Variants in SNX3 observed in about 807,000 individuals in gnomAD.
SNX3 encodes sorting nexin 3.
Under a neutral mutation model 17.7 loss-of-function variants are expected in SNX3, and 5 were observed. The ratio of observed to expected loss-of-function variants is 0.28; its 90% CI spans 0.15 to 0.59. The LOEUF (loss-of-function observed/expected upper bound fraction) is 0.59. Ranked by LOEUF, SNX3 falls within the 20% of genes least tolerant of loss-of-function variation. SNX3 has a pLI of 0.88. For synonymous variants in SNX3, 91 were observed against 76.5 expected (o/e 1.19, Z -0.99); for missense variants, 132 against 206.8 (o/e 0.64, Z 2.22).
At chr6:108,221,372 G>T (rs1201067528) in intron 2 of SNX3, among the ~76,000 whole-genome samples, 1 of 151,178 alleles carries the variant, frequency 6.6e-6, no homozygotes, top group African/African-American at 2.4e-5. Context: ...TACCTAATAG[G>T]ATATAAGCAC....
chr6:108,244,641 T>G (rs1160064487), intron 1 of SNX3, among the ~76,000 whole-genome samples: 1 of 145,808 alleles, frequency 6.9e-6, no homozygotes, highest in Non-Finnish European at 1.5e-5. Flanking sequence ...AGAATATAAG[T>G]AAGGAGTTTT....
chr6:108,221,532 C>CCTT lies in SNX3; in HGVS notation c.258+1417_258+1418insAAG, dbSNP rs1554261012. 8.7e-5 allele frequency among the ~76,000 whole-genome samples: 5 copies of CCTT among 57,778 alleles called. No individual in the cohort carries two copies. In the East Asian group the frequency reaches 3.6e-3, roughly 41 times the overall value. The allele number at this position is 57,778 out of a possible 152,430, so 37.9% of individuals were successfully genotyped here. A position where few individuals can be genotyped will look rare whatever the true frequency, so the allele number is the denominator to read the frequency against. On this transcript the variant is annotated intron_variant, in intron 2 of 3. Transcript: ENST00000230085. ...GTATTACAAGGAATACAGTATTACACTTTTTTTTTTTTTTTTTTTTTTTTT... is the reference window on the plus strand; with the variant it reads ...GTATTACAAGGAATACAGTATTACACCTTTTTTTTTTTTTTTTTTTTTTTTTTT...
intron 1 of SNX3, among the ~76,000 whole-genome samples, chr6:108,251,004 T>A (rs537933639): frequency 6.6e-6 from 1 of 152,018 alleles, no homozygotes; most frequent in Non-Finnish European, 1.5e-5. Context: ...ATATACTCCA[T>A]CATTCAATGT....
chr6:108,241,143 CAAAAAAA>C (rs71274311), intron 1 of SNX3, among the ~76,000 whole-genome samples: 14 of 51,198 alleles, frequency 2.7e-4, no homozygotes, highest in African/African-American at 8.5e-4. Context: ...GACTCCGTCT[CAAAAAAA>C]AAAAAAAAAA....
intron 1 of SNX3, among the ~76,000 whole-genome samples, chr6:108,223,853 G>A (rs1774893124): frequency 6.6e-6 from 1 of 151,976 alleles, no homozygotes; most frequent in South Asian, 2.1e-4. Context: ...ATGTACCTTT[G>A]CATGCATGCT....
chr6:108,253,847 C>T (rs187114318), intron 1 of SNX3, among the ~76,000 whole-genome samples: 43 of 151,988 alleles, frequency 2.8e-4, no homozygotes, highest in African/African-American at 4.1e-4. Flanking sequence ...CACTGCCGGC[C>T]GGGCTTGGTG....
chr6:108,236,332 TTATA>T (rs199598810), intron 1 of SNX3, among the ~76,000 whole-genome samples: 1 of 148,588 alleles, frequency 6.7e-6, no homozygotes, highest in Non-Finnish European at 1.5e-5. Context: ...CTACCTCTCT[TTATA>T]TATATATATA....
At chr6:108,238,875 C>G (rs532065789) in intron 1 of SNX3, among the ~76,000 whole-genome samples, 2 of 151,368 alleles carry the variant, frequency 1.3e-5, no homozygotes, top group Non-Finnish European at 2.9e-5. Flanking sequence ...ATGATAGGAG[C>G]TAACCACAAA....
chr6:108,244,543 C>T (rs1479736365), intron 1 of SNX3, among the ~76,000 whole-genome samples: 1 of 151,256 alleles, frequency 6.6e-6, no homozygotes, highest in Non-Finnish European at 1.5e-5. Flanking sequence ...GTACAGAGTT[C>T]TGTGGCATTA....
intron 1 of SNX3, among the ~76,000 whole-genome samples, chr6:108,258,471 A>C (rs573182906): frequency 2.0e-3 from 301 of 150,548 alleles, no homozygotes; most frequent in African/African-American, 7.2e-3. Flanking sequence ...AAAAAAAAAA[A>C]AAAATTTTCT....
At chr6:108,215,888 C>T (rs545601045) in intron 2 of SNX3, among the ~76,000 whole-genome samples, 2 of 151,972 alleles carry the variant, frequency 1.3e-5, no homozygotes, top group East Asian at 1.9e-4. Flanking sequence ...ACTAAAATGT[C>T]GCTGCACTCC....
At chr6:108,216,974 G>C (rs1235875732) in intron 2 of SNX3, among the ~76,000 whole-genome samples, 1 of 152,024 alleles carries the variant, frequency 6.6e-6, no homozygotes, top group African/African-American at 2.4e-5. Context: ...AAATCTGCAG[G>C]GACCTTCTAT....
intron 1 of SNX3, among the ~76,000 whole-genome samples, chr6:108,244,634 A>G (rs1775625362): frequency 6.6e-6 from 1 of 150,648 alleles, no homozygotes; most frequent in South Asian, 2.1e-4. Context: ...GTCTATAAGA[A>G]TATAAGTAAG....
intron 1 of SNX3, among the ~76,000 whole-genome samples, chr6:108,245,249 T>TA (rs1348523406): frequency 6.6e-6 from 1 of 152,158 alleles, no homozygotes; most frequent in African/African-American, 2.4e-5. Flanking sequence ...CTGAGGATGA[T>TA]AGTTTCCAGT....
At chr6:108,235,405 C>T (rs1352808745) in intron 1 of SNX3, among the ~76,000 whole-genome samples, 2 of 152,214 alleles carry the variant, frequency 1.3e-5, no homozygotes, top group Non-Finnish European at 2.9e-5. Context: ...CAAGCCATGA[C>T]TTCAAGACCT....
intron 2 of SNX3, among the ~76,000 whole-genome samples, chr6:108,221,656 C>G (rs1275528260): frequency 6.8e-6 from 1 of 147,602 alleles, no homozygotes; most frequent in African/African-American, 2.5e-5. Context: ...AAGTGATCCT[C>G]TTGCCTCAGC....
intron 2 of SNX3, among the ~76,000 whole-genome samples, chr6:108,220,076 C>A (rs1282522400): frequency 6.6e-6 from 1 of 151,946 alleles, no homozygotes; most frequent in East Asian, 1.9e-4. Flanking sequence ...TACATTTGTT[C>A]AATGTGTCTG....
chr6:108,219,963 C>T (rs1774704874), intron 2 of SNX3, among the ~76,000 whole-genome samples: 1 of 151,758 alleles, frequency 6.6e-6, no homozygotes, highest in Non-Finnish European at 1.5e-5. Flanking sequence ...TCTGTGCAGG[C>T]CTAGGCTACT....
At chr6:108,252,699 G>C (rs985366580) in intron 1 of SNX3, among the ~76,000 whole-genome samples, 2 of 151,648 alleles carry the variant, frequency 1.3e-5, no homozygotes, top group African/African-American at 4.8e-5. Context: ...TTGGCACAGA[G>C]TCGCGCTGCC....
Sources: allele counts gnomAD v4.1 joint callset (sites outside exome capture counted in the v4.1 genomes callset), GRCh38; gene constraint gnomAD v4.1.1; transcripts MANE v1.5; gene names NCBI Gene and HGNC (gene_info 2026-07-23, HGNC 2026-07-21).